GRM8: variants seen among roughly 807,000 people sequenced by gnomAD.
GRM8 encodes metabotropic glutamate receptor 8.
A neutral mutation model predicts 87.2 loss-of-function variants in GRM8; 47 were observed. That is an observed-to-expected ratio of 0.54 (90% CI 0.43 to 0.69). The LOEUF is 0.69. Among genes scored for constraint, GRM8 ranks in the 30% least tolerant of loss-of-function variants. The pLI, the probability that GRM8 is intolerant of heterozygous loss-of-function variation, is 0.00. For missense variants in GRM8, 1,019 were observed against 1,139.2 expected (o/e 0.89, Z 1.52); for synonymous variants, 396 against 404.5 (o/e 0.98, Z 0.25).
intron 2 of GRM8, among the ~76,000 whole-genome samples, chr7:127,134,858 A>G (rs1185859799): frequency 1.3e-5 from 2 of 152,264 alleles, no homozygotes; most frequent in African/African-American, 2.4e-5. Context: ...TGAGCTCTGA[A>G]CATAAGTCTG....
intron 7 of GRM8, among the ~76,000 whole-genome samples, chr7:126,670,510 C>G (rs565947856): frequency 2.0e-5 from 3 of 152,284 alleles, no homozygotes; most frequent in African/African-American, 4.8e-5. Context: ...AATTGTGTGT[C>G]TAACTGTAAC....
intron 3 of GRM8, among the ~76,000 whole-genome samples, chr7:127,101,302 C>A (rs919427736): frequency 3.3e-5 from 5 of 152,076 alleles, no homozygotes; most frequent in African/African-American, 1.2e-4. Flanking sequence ...TATAGTACAA[C>A]CTTAAATATA....
chr7:127,094,657 G>A (rs368637400), intron 3 of GRM8, among the ~76,000 whole-genome samples: 5 of 152,238 alleles, frequency 3.3e-5, no homozygotes, highest in South Asian at 4.2e-4. Flanking sequence ...CAGGTTTCTG[G>A]CTCCCAAACT....
intron 6 of GRM8, among the ~76,000 whole-genome samples, chr7:126,901,360 C>A (rs1013798417): frequency 2.6e-5 from 4 of 152,182 alleles, no homozygotes; most frequent in African/African-American, 9.7e-5. Context: ...TGTTGTATTT[C>A]TTCTAAGCAC....
intron 7 of GRM8, among the ~76,000 whole-genome samples, chr7:126,661,869 T>C (rs1805215154): frequency 1.3e-5 from 2 of 148,606 alleles, no homozygotes; most frequent in Non-Finnish European, 3.0e-5. Flanking sequence ...TATGCCACTT[T>C]AATATGAGAA....
At chr7:126,794,796 T>C (rs1180993291) in intron 6 of GRM8, among the ~76,000 whole-genome samples, 1 of 152,138 alleles carries the variant, frequency 6.6e-6, no homozygotes, top group Admixed American at 6.6e-5. Context: ...GTGAATTAAC[T>C]GGAGGGGAAT....
chr7:127,105,784 T>C (rs1394016155), intron 3 of GRM8, among the ~76,000 whole-genome samples: 1 of 152,226 alleles, frequency 6.6e-6, no homozygotes, highest in Admixed American at 6.5e-5. Context: ...AGTTAAGATT[T>C]GTGCTCTAAG....
intron 3 of GRM8, among the ~76,000 whole-genome samples, chr7:127,038,146 T>C (rs1259518098): frequency 6.6e-6 from 1 of 152,168 alleles, no homozygotes; most frequent in African/African-American, 2.4e-5. Flanking sequence ...ATTTCCAACA[T>C]TAAAGGAGAC....
chr7:126,820,285 G>A (rs1794178847), intron 6 of GRM8, among the ~76,000 whole-genome samples: 2 of 151,972 alleles, frequency 1.3e-5, no homozygotes, highest in South Asian at 2.1e-4. Flanking sequence ...TTATCTTTTG[G>A]AAAAATAGTT....
chr7:126,866,546 T>C (rs1161614316), intron 6 of GRM8, among the ~76,000 whole-genome samples: 1 of 150,604 alleles, frequency 6.6e-6, no homozygotes, highest in Non-Finnish European at 1.5e-5. Context: ...TGGCTCCAGA[T>C]CTTACATTCA....
intron 3 of GRM8, among the ~76,000 whole-genome samples, chr7:127,042,921 AAAAC>A (rs1818568468): frequency 2.0e-5 from 3 of 152,226 alleles, no homozygotes; most frequent in Admixed American, 6.5e-5. Context: ...TTACAAGAAA[AAAAC>A]AAACAACCCC....
intron 3 of GRM8, among the ~76,000 whole-genome samples, chr7:126,986,742 A>T (rs1344176894): frequency 6.6e-6 from 1 of 152,216 alleles, no homozygotes; most frequent in African/African-American, 2.4e-5. Flanking sequence ...GCTTCAGGCC[A>T]CTAGAATTAC....
chr7:126,554,528 G>T (rs1199462035), intron 8 of GRM8, among the ~76,000 whole-genome samples: 3 of 152,068 alleles, frequency 2.0e-5, no homozygotes, highest in South Asian at 4.1e-4. Flanking sequence ...AGGAGGTTGA[G>T]GCTGCAGTGA....
chr7:127,095,741 C>T (rs1470754271), intron 3 of GRM8: 1 of 152,150 alleles, frequency 6.6e-6, no homozygotes, highest in Non-Finnish European at 1.5e-5. Context: ...CTGCAGGATG[C>T]TCTCTCTCAG....
chr7:126,460,545 A>G (rs570623432), intron 9 of GRM8, among the ~76,000 whole-genome samples: 3 of 151,722 alleles, frequency 2.0e-5, no homozygotes, highest in Admixed American at 1.3e-4. Flanking sequence ...ACAGACAAAA[A>G]GTCCTCTTCT....
chr7:126,848,164 G>A lies in GRM8; in HGVS notation c.1156+54378C>T, dbSNP rs148640893. On this transcript the variant is annotated intron_variant, in intron 6 of 10. Transcript: ENST00000339582. Reference sequence around the variant, plus strand: ...AATAAAATAGAAATGTAATAAAGACGGGAAGAGGAACAGATCTGAGCAGAC... The same window carrying A: ...AATAAAATAGAAATGTAATAAAGACAGGAAGAGGAACAGATCTGAGCAGAC... 8.5e-5 allele frequency among the ~76,000 whole-genome samples: 13 copies of A among 152,244 alleles called. No homozygotes were observed. In the East Asian group the frequency reaches 9.6e-4, roughly 11 times the overall value.
chr7:127,072,746 A>G (rs1821841966), intron 3 of GRM8, among the ~76,000 whole-genome samples: 2 of 152,260 alleles, frequency 1.3e-5, no homozygotes, highest in South Asian at 4.2e-4. Flanking sequence ...ACCTAGAAAC[A>G]GAGAAACACA....
At chr7:126,995,121 T>G (rs1175884574) in intron 3 of GRM8, among the ~76,000 whole-genome samples, 1 of 152,238 alleles carries the variant, frequency 6.6e-6, no homozygotes, top group Non-Finnish European at 1.5e-5. Flanking sequence ...CAGGGAATTC[T>G]TCCAGACCTT....
intron 3 of GRM8, among the ~76,000 whole-genome samples, chr7:127,077,856 A>G (rs187447620): frequency 2.6e-5 from 4 of 152,294 alleles, no homozygotes; most frequent in African/African-American, 7.2e-5. Flanking sequence ...GCAACTCTCA[A>G]CTGGAGGGGA....
Sources: gnomAD v4.1 joint callset for allele counts (sites outside exome capture counted in the v4.1 genomes callset) on GRCh38, gnomAD v4.1.1 for gene constraint, MANE v1.5 for transcripts, NCBI Gene and HGNC (gene_info 2026-07-23, HGNC 2026-07-21) for gene names.